Variants in CTNNA3 observed in about 807,000 individuals in gnomAD.
CTNNA3 encodes catenin alpha-3.
In CTNNA3, 76 loss-of-function variants were observed where a neutral mutation model predicts 95.7. That is an observed-to-expected ratio of 0.79 (90% CI 0.66 to 0.96). CTNNA3 has a LOEUF of 0.96. Ranked by LOEUF, CTNNA3 falls within the 40% of genes least tolerant of loss-of-function variation. CTNNA3 has a pLI of 0.00. For synonymous variants in CTNNA3, 431 were observed against 374.4 expected (o/e 1.15, Z -1.74); for missense variants, 1,191 against 1,089.8 (o/e 1.09, Z -1.31).
At chr10:67,364,587 C>A (rs1843135704) in intron 5 of CTNNA3, among the ~76,000 whole-genome samples, 1 of 152,132 alleles carries the variant, frequency 6.6e-6, no homozygotes, top group Admixed American at 6.5e-5. Flanking sequence ...CAATAGCAGA[C>A]AAACAGAGAG....
At chr10:66,393,058 C>T (rs751150052) in intron 11 of CTNNA3, among the ~76,000 whole-genome samples, 22 of 151,860 alleles carry the variant, frequency 1.4e-4, no homozygotes, top group African/African-American at 3.6e-4. Context: ...GTACAAAAAG[C>T]GATGAAAAAT....
At chr10:67,740,932 G>A (rs1841333554) in intron 1 of CTNNA3, among the ~76,000 whole-genome samples, 1 of 151,290 alleles carries the variant, frequency 6.6e-6, no homozygotes, top group African/African-American at 2.4e-5. Context: ...ATGATAGACT[G>A]GATTAAGAAA....
At chr10:67,401,434 A>G (rs1844917727) in intron 5 of CTNNA3, among the ~76,000 whole-genome samples, 1 of 152,224 alleles carries the variant, frequency 6.6e-6, no homozygotes, top group Non-Finnish European at 1.5e-5. Context: ...GATTGAGAAA[A>G]GATGCAGTCC....
chr10:67,366,366 T>C (rs1009968796), intron 5 of CTNNA3, among the ~76,000 whole-genome samples: 1 of 66,592 alleles, frequency 1.5e-5, no homozygotes, highest in African/African-American at 2.7e-5. Context: ...AAAAATAAAA[T>C]AAAATAAAGA....
rs769069364 is a variant in CTNNA3, at chr10:65,966,663, A to G, written c.2349T>C (p.Ser783=). The change falls in exon 17 of 18, where the codon AGT becomes AGC. Residue 783 remains serine (S), a synonymous_variant. Coordinates refer to ENST00000433211, the MANE Select transcript of CTNNA3 (RefSeq NM_013266.4). ...KFYSHQLKIC[S]QVKAEIQNLG... is the part of the protein sequence containing the mutation. ...GGTTCTGGATCTCAGCTTTAACTTG[A>G]CTGCAGATTTTCAGTTGGTGGGAGT... The G allele has an allele frequency of 3.7e-6, 6 of 1,613,846 alleles. No individual in the cohort carries two copies. The highest frequency in any genetic ancestry group is 5.1e-6 in the Non-Finnish European group (6 of 1,179,894).
chr10:67,292,909 G>A (rs1202431585), intron 5 of CTNNA3, among the ~76,000 whole-genome samples: 1 of 151,888 alleles, frequency 6.6e-6, no homozygotes, highest in East Asian at 1.9e-4. Flanking sequence ...GGCTCACAGG[G>A]ATTTGGAAGT....
intron 3 of CTNNA3, among the ~76,000 whole-genome samples, chr10:67,548,853 T>A (rs1284706185): frequency 1.3e-5 from 2 of 151,688 alleles, no homozygotes; most frequent in African/African-American, 4.8e-5. Context: ...TTGTAAACCC[T>A]ATATCCAATA....
chr10:67,012,378 C>T (rs1300603574), intron 7 of CTNNA3: 1 of 152,130 alleles, frequency 6.6e-6, no homozygotes, highest in Non-Finnish European at 1.5e-5. Context: ...AGTATCTTCT[C>T]CCCTTTTCCC....
intron 2 of CTNNA3, among the ~76,000 whole-genome samples, chr10:67,646,558 T>C (rs1471329790): frequency 6.6e-6 from 1 of 151,992 alleles, no homozygotes; most frequent in Non-Finnish European, 1.5e-5. Context: ...ATATACAAAG[T>C]CTATTCTCAG....
intron 1 of CTNNA3, among the ~76,000 whole-genome samples, chr10:67,714,594 T>C (rs1442139409): frequency 6.6e-6 from 1 of 152,222 alleles, no homozygotes; most frequent in Non-Finnish European, 1.5e-5. Context: ...CTTTTGACTG[T>C]GGACTTTTGA....
chr10:66,836,158 T>C (rs953314182), intron 7 of CTNNA3, among the ~76,000 whole-genome samples: 1 of 152,194 alleles, frequency 6.6e-6, no homozygotes, highest in Non-Finnish European at 1.5e-5. Context: ...TACAACATGA[T>C]GTCACTGAGC....
At chr10:66,245,146 C>T (rs991040879) in intron 13 of CTNNA3, among the ~76,000 whole-genome samples, 7 of 152,124 alleles carry the variant, frequency 4.6e-5, no homozygotes, top group African/African-American at 4.8e-5. Context: ...GTGTGGGGTC[C>T]GGCCACTGCT....
intron 5 of CTNNA3, among the ~76,000 whole-genome samples, chr10:67,232,530 C>T (rs1007638956): frequency 3.3e-5 from 5 of 152,056 alleles, no homozygotes; most frequent in South Asian, 2.1e-4. Context: ...ATGGAAGGAA[C>T]AACTGGTACC....
intron 12 of CTNNA3, among the ~76,000 whole-genome samples, chr10:66,299,304 G>A (rs1488730593): frequency 6.6e-6 from 1 of 152,278 alleles, no homozygotes; most frequent in East Asian, 1.9e-4. Flanking sequence ...AATTAACTGA[G>A]ACCTGTCTCA....
intron 13 of CTNNA3, among the ~76,000 whole-genome samples, chr10:66,170,727 CAAAAAA>C (rs34828048): frequency 7.3e-6 from 1 of 137,350 alleles, no homozygotes. Context: ...AATGTTTACC[CAAAAAA>C]AAAAAAAAAA....
At chr10:67,450,502 C>T (rs1846937463) in intron 5 of CTNNA3, among the ~76,000 whole-genome samples, 1 of 152,078 alleles carries the variant, frequency 6.6e-6, no homozygotes, top group African/African-American at 2.4e-5. Context: ...GAGCTGGAGG[C>T]CATTATCCTT....
chr10:66,530,304 A>T (rs1386145), intron 10 of CTNNA3, among the ~76,000 whole-genome samples: 4,442 of 152,222 alleles, frequency 0.029, 230 homozygotes, highest in African/African-American at 0.1. Flanking sequence ...AGGTGAATTT[A>T]TGTAACAACC....
chr10:65,921,024 G>A (rs1003783135), intron 17 of CTNNA3, among the ~76,000 whole-genome samples: 10 of 151,940 alleles, frequency 6.6e-5, no homozygotes, highest in African/African-American at 1.9e-4. Context: ...ACCCTAATAC[G>A]CCAATTTAAA....
At position 66,119,692 on chromosome 10, in the gene CTNNA3, G is replaced by A. The variant is rs559817455; in HGVS notation, c.1885-16443C>T. ...AAATTCAGTCATTCTTAGGTAAAAA[G>A]ACAGGATAATTAGGTTCTCATTCTT... On this transcript the variant is annotated intron_variant, in intron 13 of 17. Coordinates refer to ENST00000433211, the MANE Select transcript of CTNNA3 (RefSeq NM_013266.4). Among the ~76,000 whole-genome samples, 15 of 152,142 alleles carry A rather than the reference G, an allele frequency of 9.9e-5. No individual in the cohort carries two copies. The South Asian group carries it at 1.0e-3, about 11-fold the overall frequency.
Sources: gnomAD v4.1 joint callset for allele counts (sites outside exome capture counted in the v4.1 genomes callset) on GRCh38, gnomAD v4.1.1 for gene constraint, MANE v1.5 for transcripts, NCBI Gene and HGNC (gene_info 2026-07-23, HGNC 2026-07-21) for gene names.